The following CRTC1 variants were observed in gnomAD, a reference collection of about 807,000 sequenced individuals.
CRTC1 encodes CREB regulated transcription coactivator 1.
CRTC1 carries 18 observed loss-of-function variants against 66.1 expected under a neutral mutation model. The observed-to-expected ratio is 0.27, with a 90% CI of 0.19 to 0.40. The LOEUF (loss-of-function observed/expected upper bound fraction) is 0.40. Ranked by LOEUF, CRTC1 falls within the 10% of genes least tolerant of loss-of-function variation. The pLI is 1.00. For synonymous variants in CRTC1, 416 were observed against 398.8 expected (o/e 1.04, Z -0.51); for missense variants, 669 against 887.9 (o/e 0.75, Z 3.13).
At chr19:18,765,583 T>A in intron 9 of CRTC1, 55 bp downstream of exon 9, 2 of 1,528,810 alleles carry the variant, frequency 1.3e-6, no homozygotes, top group African/African-American at 1.4e-5. Context: ...GGTGGAGGCC[T>A]GGCTCTACCT....
chr19:18,766,083 A>G (rs1055878729), intron 9 of CRTC1, among the ~76,000 whole-genome samples: 1 of 149,540 alleles, frequency 6.7e-6, no homozygotes, highest in Non-Finnish European at 1.5e-5. Context: ...TTGCTATCCA[A>G]CTTGATGGCA....
At chr19:18,732,726 G>C (rs984093343) in intron 1 of CRTC1, among the ~76,000 whole-genome samples, 3 of 152,150 alleles carry the variant, frequency 2.0e-5, no homozygotes, top group Non-Finnish European at 2.9e-5. Context: ...CACCAGTGGG[G>C]AGTTGGGGTT....
chr19:18,759,932 T>TCCCGCCAGCCCCCTGTCCCC (rs2054575726), intron 7 of CRTC1, 76 bp from the exon 8 acceptor site: 6 of 963,390 alleles, frequency 6.2e-6, no homozygotes, highest in South Asian at 1.9e-5. Flanking sequence ...GCTGATTTTC[T>TCCCGCCAGCCCCCTGTCCCC]CCCGCCAGCC....
chr19:18,750,326 C>T (rs1366335748), intron 5 of CRTC1, among the ~76,000 whole-genome samples: 3 of 152,202 alleles, frequency 2.0e-5, no homozygotes, highest in Admixed American at 1.3e-4. Context: ...TCCTCGCCTG[C>T]AGCCCCTGGG....
intron 1 of CRTC1, among the ~76,000 whole-genome samples, chr19:18,713,812 G>A (rs909605656): frequency 1.0e-4 from 16 of 152,392 alleles, no homozygotes; most frequent in African/African-American, 3.6e-4. Context: ...CACGCGCGGG[G>A]AGGAGCTGAC....
intron 1 of CRTC1, among the ~76,000 whole-genome samples, chr19:18,720,852 G>A (rs1399977053): frequency 1.4e-5 from 1 of 71,846 alleles, no homozygotes; most frequent in African/African-American, 9.4e-5. Flanking sequence ...CTATGTGCAC[G>A]CATGCATGGG....
At chr19:18,729,883 T>C (rs1352114591) in intron 1 of CRTC1, among the ~76,000 whole-genome samples, 1 of 152,100 alleles carries the variant, frequency 6.6e-6, no homozygotes, top group African/African-American at 2.4e-5. Context: ...TGCTGGAGCC[T>C]GTGGCAGATT....
chr19:18,747,177 A>C, intron 4 of CRTC1, 63 bp downstream of exon 4: 2 of 1,127,830 alleles, frequency 1.8e-6, no homozygotes, highest in Non-Finnish European at 2.5e-6. Context: ...AACTCTCATC[A>C]TGGTTACATG....
chr19:18,766,650 T>C (rs1203695495), intron 9 of CRTC1, among the ~76,000 whole-genome samples: 4 of 147,472 alleles, frequency 2.7e-5, no homozygotes, highest in East Asian at 2.0e-4. Flanking sequence ...TTTTGCCATG[T>C]TGGCCAGGCT....
chr19:18,716,310 TG>T (rs1266263854), intron 1 of CRTC1, among the ~76,000 whole-genome samples: 1 of 151,988 alleles, frequency 6.6e-6, no homozygotes, highest in African/African-American at 2.4e-5. Context: ...TGGAGTGCAG[TG>T]GCACGATCTC....
intron 1 of CRTC1, among the ~76,000 whole-genome samples, chr19:18,705,175 A>G (rs2053235621): frequency 6.6e-6 from 1 of 152,096 alleles, no homozygotes; most frequent in Admixed American, 6.6e-5. Context: ...TTATCCGTTC[A>G]TCTGTTGATG....
chr19:18,730,180 G>A (rs1306304539), intron 1 of CRTC1, among the ~76,000 whole-genome samples: 1 of 152,158 alleles, frequency 6.6e-6, no homozygotes, highest in African/African-American at 2.4e-5. Flanking sequence ...CGTTGGTGGG[G>A]ATGGGCTCTC....
chr19:18,728,006 G>A (rs964890874), intron 1 of CRTC1, among the ~76,000 whole-genome samples: 11 of 152,158 alleles, frequency 7.2e-5, no homozygotes, highest in Non-Finnish European at 1.3e-4. Context: ...GATTACAGGC[G>A]TGAGCCACCG....
chr19:18,706,182 C>A (rs538682154), intron 1 of CRTC1, among the ~76,000 whole-genome samples: 1 of 18,676 alleles, frequency 5.4e-5, no homozygotes, highest in Non-Finnish European at 1.1e-4. Context: ...TTCCATTGGT[C>A]TTTTTTTTTT....
intron 1 of CRTC1, among the ~76,000 whole-genome samples, chr19:18,691,020 C>T (rs1372179204): frequency 8.6e-5 from 12 of 139,730 alleles, no homozygotes; most frequent in East Asian, 6.2e-4. Flanking sequence ...AGCGAGACTC[C>T]GTCTCAAAAA....
rs140480462 is a variant in CRTC1 at position 18,733,841 on chromosome 19, C to T, written c.127-9069C>T. ...TAAGAAAACAGAGGGGCTGGCTGGGCGCGGTGGCTCCTGCCTGTAATCCCA... is the reference window on the plus strand; with the variant it reads ...TAAGAAAACAGAGGGGCTGGCTGGGTGCGGTGGCTCCTGCCTGTAATCCCA... On this transcript the variant is annotated intron_variant, in intron 1 of 13. Transcript: ENST00000321949. 7.9e-5 allele frequency among the ~76,000 whole-genome samples: 12 copies of T among 152,254 alleles called. No individual in the cohort carries two copies. The East Asian group carries it at 2.1e-3, about 27-fold the overall frequency.
At chr19:18,730,882 A>G (rs1285857503) in intron 1 of CRTC1, among the ~76,000 whole-genome samples, 1 of 152,168 alleles carries the variant, frequency 6.6e-6, no homozygotes, top group East Asian at 1.9e-4. Flanking sequence ...GTTGAGTCCC[A>G]TGTCCAGAGG....
At chr19:18,690,062 G>A (rs1410400687) in intron 1 of CRTC1, among the ~76,000 whole-genome samples, 2 of 148,606 alleles carry the variant, frequency 1.3e-5, no homozygotes, top group East Asian at 2.0e-4. Context: ...CCACCCAGAC[G>A]TGCTGGAGGA....
chr19:18,765,170 G>C (rs1341399338), intron 8 of CRTC1, among the ~76,000 whole-genome samples: 1 of 152,188 alleles, frequency 6.6e-6, no homozygotes, highest in Non-Finnish European at 1.5e-5. Context: ...TTGGCTGGCT[G>C]TGAGACACCC....
Sources: gnomAD v4.1 joint callset for allele counts (sites outside exome capture counted in the v4.1 genomes callset) on GRCh38, gnomAD v4.1.1 for gene constraint, MANE v1.5 for transcripts, NCBI Gene and HGNC (gene_info 2026-07-23, HGNC 2026-07-21) for gene names.